Variants in ADAMTSL1 observed in about 807,000 individuals in gnomAD.
The protein encoded by ADAMTSL1 is ADAMTS like 1.
ADAMTSL1 carries 126 observed loss-of-function variants against 201.8 expected under a neutral mutation model. The ratio of observed to expected loss-of-function variants is 0.62; its 90% CI spans 0.54 to 0.72. The LOEUF (loss-of-function observed/expected upper bound fraction) is 0.72, where lower values mean the gene tolerates loss of function less well. Among genes scored for constraint, ADAMTSL1 ranks in the 30% least tolerant of loss-of-function variants. The pLI is 0.00. For synonymous variants in ADAMTSL1, 1,121 were observed against 903.4 expected, an observed-to-expected ratio of 1.24 and a Z score of -4.32; for missense variants, 2,679 against 2,277.8, an observed-to-expected ratio of 1.18 and a Z score of -3.59.
At chr9:18,695,718 C>T (rs1831510879) in intron 13 of ADAMTSL1, among the ~76,000 whole-genome samples, 2 of 152,324 alleles carry the variant, frequency 1.3e-5, no homozygotes, top group Middle Eastern at 6.8e-3. Flanking sequence ...ATCTTCCTGC[C>T]TTCTCAAACT....
intron 15 of ADAMTSL1, among the ~76,000 whole-genome samples, chr9:18,751,271 C>A (rs1246895105): frequency 6.6e-6 from 1 of 152,198 alleles, no homozygotes; most frequent in Non-Finnish European, 1.5e-5. Context: ...TTCTCTTCTT[C>A]TATTCATTTA....
intron 19 of ADAMTSL1, among the ~76,000 whole-genome samples, chr9:18,793,456 G>C (rs1732638747): frequency 6.6e-6 from 1 of 152,146 alleles, no homozygotes; most frequent in South Asian, 2.1e-4. Context: ...GAGTGTTGCT[G>C]GGGCAGACCT....
intron 1 of ADAMTSL1, among the ~76,000 whole-genome samples, chr9:17,993,435 G>C (rs917107142): frequency 1.4e-5 from 2 of 147,326 alleles, no homozygotes; most frequent in Non-Finnish European, 1.5e-5. Flanking sequence ...TGTCTACAAG[G>C]AATATAATAA....
At chr9:18,785,051 C>G (rs1459169512) in intron 19 of ADAMTSL1, among the ~76,000 whole-genome samples, 1 of 152,070 alleles carries the variant, frequency 6.6e-6, no homozygotes, top group Non-Finnish European at 1.5e-5. Flanking sequence ...ATAGTCCCAG[C>G]TACTTGGGAG....
chr9:18,767,274 C>A (rs1588071341), intron 16 of ADAMTSL1, among the ~76,000 whole-genome samples: 1 of 152,144 alleles, frequency 6.6e-6, no homozygotes, highest in Non-Finnish European at 1.5e-5. Context: ...TTGTTTCTTT[C>A]CAACAATTGT....
At position 18,555,184 on chromosome 9, in the gene ADAMTSL1, C is replaced by G. The variant is rs188723283; in HGVS notation, c.238-18846C>G. Among the ~76,000 whole-genome samples, 26 of 151,912 alleles carry G rather than the reference C, an allele frequency of 1.7e-4. No individual in the cohort carries two copies. The East Asian group carries it at 4.3e-3, about 25-fold the overall frequency. ...GGCATTACGAGCAGATATTCATCTT[C>G]TTCCACAACTTGCCGTTCATAGACT... On this transcript the variant is annotated intron_variant, in intron 3 of 28. Coordinates refer to ENST00000380548, the MANE Select transcript of ADAMTSL1 (RefSeq NM_001040272.6).
chr9:18,105,426 C>T (rs1564003228), intron 1 of ADAMTSL1, among the ~76,000 whole-genome samples: 1 of 152,170 alleles, frequency 6.6e-6, no homozygotes, highest in African/African-American at 2.4e-5. Flanking sequence ...GTCTTTCATG[C>T]TATGCATTTT....
At chr9:18,210,519 AAATATATATATTAATT>A (rs199746817) in intron 2 of ADAMTSL1, among the ~76,000 whole-genome samples, 4,805 of 147,452 alleles carry the variant, frequency 0.033, 117 homozygotes, top group Non-Finnish European at 0.053. Context: ...ATATATTAAT[AAATATATATATTAATT>A]AATATTACCA....
rs16936778 is a variant in ADAMTSL1, at chr9:18,482,252, G to A, written c.63+7957G>A. On this transcript the variant is annotated intron_variant, in intron 1 of 28. Coordinates refer to ENST00000380548, the MANE Select transcript of ADAMTSL1 (RefSeq NM_001040272.6). The stretch of plus-strand genomic sequence containing the variant: ...TCCACTTCTGAGGCAAGAAATTGCC[G>A]GACTCTAATAGTTTCACCACCTGTG... Among the ~76,000 whole-genome samples, 651 of 152,250 alleles carry A rather than the reference G, an allele frequency of 4.3e-3. 6 individuals are homozygous for A. Among genetic ancestry groups the A allele is most frequent in the African/African-American group, 0.014 (588 of 41,544 alleles).
chr9:18,900,880 G>T (rs553211379), intron 26 of ADAMTSL1, among the ~76,000 whole-genome samples: 1 of 152,094 alleles, frequency 6.6e-6, no homozygotes, highest in Non-Finnish European at 1.5e-5. Flanking sequence ...AACCACCATG[G>T]CACAAATCTG....
intron 2 of ADAMTSL1, among the ~76,000 whole-genome samples, chr9:18,335,288 A>G (rs752523312): frequency 1.5e-4 from 23 of 152,228 alleles, no homozygotes; most frequent in Admixed American, 4.6e-4. Context: ...CTAGGCAGCT[A>G]TTCAACTTAT....
At chr9:18,584,133 C>T (rs987571650) in intron 4 of ADAMTSL1, among the ~76,000 whole-genome samples, 6 of 151,948 alleles carry the variant, frequency 3.9e-5, no homozygotes, top group African/African-American at 1.2e-4. Context: ...TGGCTGTGTC[C>T]CCACCCTAAT....
intron 2 of ADAMTSL1, among the ~76,000 whole-genome samples, chr9:18,174,443 T>A (rs1828048027): frequency 6.6e-6 from 1 of 152,010 alleles, no homozygotes; most frequent in African/African-American, 2.4e-5. Context: ...AGAACTGGAG[T>A]GGTCAGACAG....
At chr9:18,210,484 TA>T (rs1441472252) in intron 2 of ADAMTSL1, among the ~76,000 whole-genome samples, 1 of 147,150 alleles carries the variant, frequency 6.8e-6, no homozygotes, top group Non-Finnish European at 1.5e-5. Flanking sequence ...GATATATAAA[TA>T]AATATATATT....
intron 2 of ADAMTSL1, among the ~76,000 whole-genome samples, chr9:18,186,242 T>C (rs1164205527): frequency 1.3e-5 from 2 of 152,190 alleles, no homozygotes; most frequent in Non-Finnish European, 2.9e-5. Flanking sequence ...AGAGATCTTC[T>C]TGGTCTGTGA....
intron 23 of ADAMTSL1, among the ~76,000 whole-genome samples, chr9:18,856,843 G>C (rs1329342571): frequency 6.6e-6 from 1 of 152,146 alleles, no homozygotes; most frequent in African/African-American, 2.4e-5. Context: ...GTTGTCTGTG[G>C]TATTTAATGG....
intron 2 of ADAMTSL1, among the ~76,000 whole-genome samples, chr9:18,236,952 ATATTT>A (rs1315341865): frequency 1.3e-5 from 2 of 152,226 alleles, no homozygotes; most frequent in Non-Finnish European, 2.9e-5. Context: ...TAAAATTTTC[ATATTT>A]TATATCAATG....
At chr9:18,115,897 C>T (rs1825229714) in intron 1 of ADAMTSL1, among the ~76,000 whole-genome samples, 1 of 152,164 alleles carries the variant, frequency 6.6e-6, no homozygotes, top group Non-Finnish European at 1.5e-5. Context: ...ATAGCGTTTT[C>T]TTTCAAGAGT....
chr9:17,958,598 T>A (rs908691631), intron 1 of ADAMTSL1, among the ~76,000 whole-genome samples: 3 of 152,164 alleles, frequency 2.0e-5, no homozygotes, highest in Non-Finnish European at 4.4e-5. Flanking sequence ...TTTAATTACG[T>A]TAATTAGCTT....
Sources: gnomAD v4.1 joint callset for allele counts (sites outside exome capture counted in the v4.1 genomes callset) on GRCh38, gnomAD v4.1.1 for gene constraint, MANE v1.5 for transcripts, NCBI Gene and HGNC (gene_info 2026-07-23, HGNC 2026-07-21) for gene names.